SYTL3: variants seen among roughly 807,000 people sequenced by gnomAD.
SYTL3 encodes the protein synaptotagmin like 3.
Under a neutral mutation model 82.1 loss-of-function variants are expected in SYTL3, and 88 were observed. That is an observed-to-expected ratio of 1.07 (90% confidence interval 0.90 to 1.28). The LOEUF is 1.28. Ranked by LOEUF, SYTL3 falls within the 50% of genes most tolerant of loss-of-function variation. The pLI is 0.00. For synonymous variants in SYTL3, 311 were observed against 289.4 expected, an observed-to-expected ratio of 1.07 and a Z score of -0.76; for missense variants, 831 against 757.6, an observed-to-expected ratio of 1.10 and a Z score of -1.14.
intron 9 of SYTL3, among the ~76,000 whole-genome samples, chr6:158,714,912 C>T (rs1457825104): frequency 1.3e-5 from 2 of 152,228 alleles, no homozygotes; most frequent in Non-Finnish European, 2.9e-5. Flanking sequence ...AAGCACTGCT[C>T]TTCAGATGAG....
rs1003226260 is a variant in SYTL3 at position 158,687,892 on chromosome 6, G to A, written c.394+4903G>A. Reference sequence around the variant, plus strand: ...ACACAGAATAGTATTTAGATGTAATGGAAATACTACCACAATCCCAAACTA... The same window carrying A: ...ACACAGAATAGTATTTAGATGTAATAGAAATACTACCACAATCCCAAACTA... On this transcript the variant is annotated intron_variant, in intron 6 of 17. Coordinates refer to ENST00000611299, the MANE Select transcript of SYTL3 (RefSeq NM_001242394.2). 4.6e-5 allele frequency among the ~76,000 whole-genome samples: 7 copies of A among 152,286 alleles called. No homozygotes were observed. The East Asian group carries it at 1.3e-3, about 29-fold the overall frequency.
At chr6:158,665,701 C>G in intron 5 of SYTL3, 88 bp downstream of exon 5, 1 of 965,500 alleles carries the variant, frequency 1.0e-6, no homozygotes, top group Non-Finnish European at 1.5e-6. Context: ...AGAGCACTCA[C>G]TCCTCACCTT....
At chr6:158,659,480 C>G (rs6455596) in intron 2 of SYTL3, among the ~76,000 whole-genome samples, 43,772 of 152,000 alleles carry the variant, frequency 0.29, 6,924 homozygotes, top group East Asian at 0.67. Flanking sequence ...CTCAGCCTCC[C>G]GAGTAGCTGA....
intron 5 of SYTL3, among the ~76,000 whole-genome samples, chr6:158,667,000 A>G (rs984129000): frequency 1.3e-5 from 2 of 152,222 alleles, no homozygotes; most frequent in Non-Finnish European, 1.5e-5. Flanking sequence ...GCAAAAAATA[A>G]TTACTGTGAG....
At chr6:158,682,031 G>A (rs1418289326) in intron 5 of SYTL3, among the ~76,000 whole-genome samples, 1 of 152,184 alleles carries the variant, frequency 6.6e-6, no homozygotes, top group Non-Finnish European at 1.5e-5. Context: ...CCGTCTCCCA[G>A]GTTCAAGCGA....
At chr6:158,720,627 C>T (rs993776711) in intron 10 of SYTL3, among the ~76,000 whole-genome samples, 11 of 152,272 alleles carry the variant, frequency 7.2e-5, no homozygotes, top group South Asian at 6.2e-4. Context: ...GCTTGAGTCA[C>T]AGGAAACCAC....
intron 6 of SYTL3, among the ~76,000 whole-genome samples, chr6:158,702,702 C>G (rs1183271636): frequency 6.6e-6 from 1 of 152,060 alleles, no homozygotes. Context: ...CCGTTTTGGT[C>G]TTGTCCCCAC....
Position 158,717,745 on chromosome 6 carries a change from G to A in SYTL3, c.596-342G>A, listed in dbSNP as rs932486060. 6.6e-5 allele frequency among the ~76,000 whole-genome samples: 10 copies of A among 152,242 alleles called. 2 individuals carry two copies. Among genetic ancestry groups the A allele is most frequent in the Admixed American group, 3.9e-4 (6 of 15,296 alleles). ...GCTTGTTTGGTAGGCTGCCGTCTTCGTGTTTGGATGAGTGCACACACATAT... is the reference window on the plus strand; with the variant it reads ...GCTTGTTTGGTAGGCTGCCGTCTTCATGTTTGGATGAGTGCACACACATAT... On this transcript the variant is annotated intron_variant, in intron 9 of 17. Transcript: ENST00000611299.
intron 10 of SYTL3, among the ~76,000 whole-genome samples, chr6:158,721,390 T>A (rs1784092152): frequency 1.3e-5 from 2 of 152,034 alleles, no homozygotes; most frequent in Admixed American, 6.6e-5. Flanking sequence ...TGATTTTTTT[T>A]AATTTTTATT....
intron 10 of SYTL3, among the ~76,000 whole-genome samples, chr6:158,719,220 T>G (rs1006429060): frequency 5.3e-5 from 8 of 152,244 alleles, no homozygotes; most frequent in African/African-American, 1.4e-4. Context: ...ATAGCTTAAC[T>G]AGGCTATCTC....
rs868119473 is a variant in SYTL3, at chr6:158,670,666, C to T, written c.329+5053C>T. ...GGCACAGTGGCAGGCGCCTGTAATC[C>T]CAGCTACTTGGGAGGCTGAGGTACA... On this transcript the variant is annotated intron_variant, in intron 5 of 17. Coordinates refer to ENST00000611299, the MANE Select transcript of SYTL3 (RefSeq NM_001242394.2). Among the ~76,000 whole-genome samples, 32 of 152,094 alleles carry T rather than the reference C, an allele frequency of 2.1e-4. No individual in the cohort carries two copies. In the Middle Eastern group the frequency reaches 0.014, roughly 65 times the overall value.
intron 5 of SYTL3, among the ~76,000 whole-genome samples, chr6:158,679,205 A>T (rs1238607632): frequency 6.6e-6 from 1 of 152,140 alleles, no homozygotes; most frequent in South Asian, 2.1e-4. Flanking sequence ...CCCTGTCTCT[A>T]CAAAAAATAC....
chr6:158,764,594 T>TC lies in SYTL3; in HGVS notation c.1825dup (p.Leu609ProfsTer5), dbSNP rs1562481291. The TC allele has an allele frequency of 1.2e-6, 2 of 1,613,450 alleles. No homozygotes were observed. Among genetic ancestry groups the TC allele is most frequent in the African/African-American group, 1.3e-5 (1 of 75,022 alleles). ...AATCTATGGACAGACATGACTCTTG[T>TC]CCTGCACTGACATGAAGGCCTCAAG... is the stretch of plus-strand genomic sequence containing the variant. On this transcript the variant is annotated frameshift_variant, in exon 18 of 18. Coordinates refer to ENST00000611299, the MANE Select transcript of SYTL3 (RefSeq NM_001242394.2). LOFTEE classifies it high-confidence loss of function.
rs978751176 is a variant in SYTL3, at chr6:158,685,575, T to A, written c.394+2586T>A. 1.3e-5 allele frequency among the ~76,000 whole-genome samples: 2 copies of A among 151,690 alleles called. 1 individual carries two copies. Among genetic ancestry groups the A allele is most frequent in the Middle Eastern group, 6.4e-3 (2 of 314 alleles). The stretch of plus-strand genomic sequence containing the variant: ...GGCTCACACTTGTAATCCCAGCACT[T>A]TGGGAGGCCGAGGTGGGCAGATCAT... On this transcript the variant is annotated intron_variant, in intron 6 of 17. Transcript: ENST00000611299.
chr6:158,657,547 TA>T (rs1788840383), intron 2 of SYTL3, among the ~76,000 whole-genome samples: 1 of 150,356 alleles, frequency 6.7e-6, no homozygotes, highest in Non-Finnish European at 1.5e-5. Context: ...TTAAAATGAG[TA>T]AATTGTCACC....
chr6:158,693,855 C>CTTTTTTTTTTTTTT lies in SYTL3; in HGVS notation c.394+10871_394+10884dup, dbSNP rs575358067. On this transcript the variant is annotated intron_variant, in intron 6 of 17. Coordinates refer to ENST00000611299, the MANE Select transcript of SYTL3 (RefSeq NM_001242394.2). ...TGCATCCAGCCTTTCTTTTTCTTTT[C>CTTTTTTTTTTTTTT]TTTTTTTTTTTTTTTTTTGTAGATA... 4.9e-4 allele frequency among the ~76,000 whole-genome samples: 47 copies of CTTTTTTTTTTTTTT among 96,852 alleles called. 3 individuals are homozygous for CTTTTTTTTTTTTTT. Among genetic ancestry groups the CTTTTTTTTTTTTTT allele is most frequent in the African/African-American group, 2.4e-3 (44 of 18,614 alleles). 63.5% of individuals were successfully genotyped at this position (96,852 alleles called of 152,430 possible).
intron 7 of SYTL3, among the ~76,000 whole-genome samples, chr6:158,707,513 A>G (rs1392795474): frequency 6.6e-6 from 1 of 152,118 alleles, no homozygotes; most frequent in East Asian, 1.9e-4. Context: ...CTAGACATTC[A>G]GCTCTACTTC....
chr6:158,726,306 T>C, intron 11 of SYTL3: 1 of 393,674 alleles, frequency 2.5e-6, no homozygotes. Flanking sequence ...ACAGGCGTCT[T>C]CAGGTTTCTT....
At chr6:158,670,713 C>T (rs575703902) in intron 5 of SYTL3, among the ~76,000 whole-genome samples, 1 of 151,484 alleles carries the variant, frequency 6.6e-6, no homozygotes, top group African/African-American at 2.4e-5. Context: ...AACCGGGGGG[C>T]GAAGGTTGCA....
Sources: allele counts gnomAD v4.1 joint callset (sites outside exome capture counted in the v4.1 genomes callset), GRCh38; gene constraint gnomAD v4.1.1; transcripts MANE v1.5; gene names NCBI Gene and HGNC (gene_info 2026-07-23, HGNC 2026-07-21).